The following DLGAP4 variants were observed in gnomAD, a reference collection of about 807,000 sequenced individuals.
DLGAP4 encodes the protein DLG associated protein 4.
In DLGAP4, 18 loss-of-function variants were observed where a neutral mutation model predicts 86.9. The ratio of observed to expected loss-of-function variants is 0.21; its 90% CI spans 0.14 to 0.31. DLGAP4 has a LOEUF of 0.31. Among genes scored for constraint, DLGAP4 ranks in the 10% least tolerant of loss-of-function variants. DLGAP4 has a pLI of 1.00. For synonymous variants in DLGAP4, 548 were observed against 574.3 expected (o/e 0.95, Z 0.65); for missense variants, 1,085 against 1,362.6 (o/e 0.80, Z 3.21).
intron 10 of DLGAP4, among the ~76,000 whole-genome samples, chr20:36,518,840 G>A (rs989436273): frequency 1.1e-4 from 16 of 151,926 alleles, no homozygotes; most frequent in African/African-American, 3.4e-4. Flanking sequence ...AAATTAGGCC[G>A]GGCGCAGTGG....
intron 5 of DLGAP4, among the ~76,000 whole-genome samples, chr20:36,442,123 G>A (rs949780766): frequency 2.0e-5 from 3 of 152,230 alleles, no homozygotes; most frequent in African/African-American, 7.2e-5. Flanking sequence ...CTCCAGGTGG[G>A]CTGCCTGCCA....
rs192063366 is a variant in DLGAP4, at chr20:36,487,121, G to A, written c.1649-9584G>A. 5.5e-3 allele frequency among the ~76,000 whole-genome samples: 825 copies of A among 150,892 alleles called. 8 individuals are homozygous for A. Among genetic ancestry groups the A allele is most frequent in the African/African-American group, 0.019 (796 of 41,470 alleles). ...AGAGAGGTGAGGCTCTGCAGATGGA[G>A]GAGGGTGGAAGGAGGAGATGGGAAT... On this transcript the variant is annotated intron_variant, in intron 7 of 12. Coordinates refer to ENST00000339266, the MANE Select transcript of DLGAP4 (RefSeq NM_001365621.2).
At chr20:36,392,646 G>A (rs2031822101) in intron 2 of DLGAP4, among the ~76,000 whole-genome samples, 1 of 152,220 alleles carries the variant, frequency 6.6e-6, no homozygotes, top group Admixed American at 6.5e-5. Flanking sequence ...GGGATTACAG[G>A]TGTGAGCCAC....
chr20:36,412,489 T>C lies in DLGAP4; in HGVS notation c.-72-19157T>C, dbSNP rs77373061. On this transcript the variant is annotated intron_variant, in intron 2 of 12. Transcript: ENST00000339266. ...CTGAGAAGCAGCACAGGAAGCTCAT[T>C]AGTGGCATGGGCTCTGGAGCCAAAT... Among the ~76,000 whole-genome samples, 1,160 of 152,324 alleles carry C rather than the reference T, an allele frequency of 7.6e-3. 12 individuals are homozygous for C. The highest frequency in any genetic ancestry group is 0.026 in the African/African-American group (1,068 of 41,568).
intron 1 of DLGAP4, among the ~76,000 whole-genome samples, chr20:36,316,229 C>T (rs1600392438): frequency 6.6e-6 from 1 of 152,204 alleles, no homozygotes; most frequent in Non-Finnish European, 1.5e-5. Flanking sequence ...GGTTAAGTAA[C>T]CACATCCAGC....
intron 2 of DLGAP4, among the ~76,000 whole-genome samples, chr20:36,395,055 C>A (rs1018552050): frequency 6.6e-6 from 1 of 152,090 alleles, no homozygotes; most frequent in Non-Finnish European, 1.5e-5. Context: ...CCTCCTTGCA[C>A]CAGTCCCTTC....
In DLGAP4 at chr20:36,326,609, AAAT is replaced by A. The variant is rs1190974215; in HGVS notation, c.-304+20103_-304+20105del. Among the ~76,000 whole-genome samples the A allele has an allele frequency of 7.2e-5, 11 of 152,176 alleles. No individual in the cohort carries two copies. In the East Asian group the frequency reaches 1.9e-3, roughly 27 times the overall value. On this transcript the variant is annotated intron_variant, in intron 1 of 12. Coordinates refer to ENST00000339266, the MANE Select transcript of DLGAP4 (RefSeq NM_001365621.2). ...TGGTCATTATCTTTTAGAGATATTT[AAAT>A]AATAAGAAAAATAATCCTATATATT... is the stretch of plus-strand genomic sequence containing the variant.
intron 2 of DLGAP4, among the ~76,000 whole-genome samples, chr20:36,425,518 T>G (rs1418792427): frequency 2.0e-5 from 3 of 151,804 alleles, no homozygotes; most frequent in African/African-American, 7.3e-5. Context: ...AACAGTTTGG[T>G]GGTTCCGCAA....
intron 7 of DLGAP4, among the ~76,000 whole-genome samples, chr20:36,490,678 GGA>G (rs1472373495): frequency 5.9e-5 from 9 of 152,208 alleles, no homozygotes; most frequent in Non-Finnish European, 1.0e-4. Context: ...TTCCTCTTGA[GGA>G]GTGTAGACCG....
intron 1 of DLGAP4, among the ~76,000 whole-genome samples, chr20:36,318,106 TCACACACACA>T (rs1156543199): frequency 0.32 from 44,236 of 138,974 alleles, 7,716 homozygotes; most frequent in South Asian, 0.41. Context: ...ATGTGTCCTC[TCACACACACA>T]CACACACACA....
At chr20:36,451,306 G>C (rs534659823) in intron 7 of DLGAP4, among the ~76,000 whole-genome samples, 1 of 152,294 alleles carries the variant, frequency 6.6e-6, no homozygotes, top group East Asian at 1.9e-4. Context: ...TAAGCTTTCT[G>C]TAGGCCCTTT....
chr20:36,526,294 C>T (rs2037756284), intron 12 of DLGAP4, among the ~76,000 whole-genome samples: 1 of 150,798 alleles, frequency 6.6e-6, no homozygotes, highest in African/African-American at 2.5e-5. Flanking sequence ...ACAGAGGAGG[C>T]AGCAAAAATG....
intron 2 of DLGAP4, among the ~76,000 whole-genome samples, chr20:36,379,631 GT>G (rs2031298677): frequency 6.6e-6 from 1 of 152,172 alleles, no homozygotes; most frequent in Non-Finnish European, 1.5e-5. Context: ...GGTGCTGGTT[GT>G]GGGGAGGGGC....
intron 2 of DLGAP4, among the ~76,000 whole-genome samples, chr20:36,369,424 C>T (rs553105746): frequency 2.0e-5 from 3 of 152,272 alleles, no homozygotes; most frequent in African/African-American, 7.2e-5. Flanking sequence ...GAAACCCTGT[C>T]TCCACTAAAA....
At chr20:36,466,804 C>T (rs2034374790) in intron 7 of DLGAP4, among the ~76,000 whole-genome samples, 1 of 152,236 alleles carries the variant, frequency 6.6e-6, no homozygotes, top group Non-Finnish European at 1.5e-5. Flanking sequence ...CCCCGGGCTC[C>T]CTCGTCTCTG....
intron 10 of DLGAP4, chr20:36,510,747 G>C (rs2036647416): frequency 6.6e-6 from 1 of 150,988 alleles, no homozygotes; most frequent in Non-Finnish European, 1.5e-5. Flanking sequence ...AGTAGAGATG[G>C]GGTTTCACCA....
chr20:36,519,529 T>C (rs2037246261), intron 10 of DLGAP4, among the ~76,000 whole-genome samples: 1 of 152,222 alleles, frequency 6.6e-6, no homozygotes, highest in Admixed American at 6.6e-5. Flanking sequence ...ACCTTTTGGC[T>C]ACTGTGAGTC....
intron 1 of DLGAP4, among the ~76,000 whole-genome samples, chr20:36,312,058 A>G (rs1238423348): frequency 1.3e-5 from 2 of 152,124 alleles, no homozygotes; most frequent in Non-Finnish European, 2.9e-5. Flanking sequence ...CTCTGCTGTC[A>G]GTGGCCACAC....
chr20:36,415,386 A>G (rs6017722), intron 2 of DLGAP4, among the ~76,000 whole-genome samples: 13,905 of 152,214 alleles, frequency 0.091, 815 homozygotes, highest in East Asian at 0.23. Flanking sequence ...TTGTGTGACT[A>G]GGCCAAATCT....
Sources: allele counts gnomAD v4.1 joint callset (sites outside exome capture counted in the v4.1 genomes callset), GRCh38; gene constraint gnomAD v4.1.1; transcripts MANE v1.5; gene names NCBI Gene and HGNC (gene_info 2026-07-23, HGNC 2026-07-21).